Variants in TTN observed in about 807,000 individuals in gnomAD.
TTN encodes connectin.
Under a neutral mutation model 3,223.0 loss-of-function variants are expected in TTN, and 1,525 were observed. The ratio of observed to expected loss-of-function variants is 0.47; its 90% CI spans 0.45 to 0.49. The LOEUF is 0.49. Among genes scored for constraint, TTN ranks in the 20% least tolerant of loss-of-function variants. The pLI, the probability that TTN is intolerant of heterozygous loss-of-function variation, is 0.00. For synonymous variants in TTN, 14,094 were observed against 15,161.0 expected (o/e 0.93, Z 5.17); for missense variants, 40,786 against 43,424.0 (o/e 0.94, Z 5.40).
Position 178,733,794 on chromosome 2 carries a change from C to A in TTN, c.15595G>T (p.Val5199Phe), listed in dbSNP as rs1370452174. Residue 5199 changes from valine to phenylalanine, a missense_variant, in exon 53 of 363, where the codon GTC becomes TTC. Physicochemically the swap from Val to Phe is conservative, Grantham distance 50. Coordinates refer to ENST00000589042, the MANE Select transcript of TTN (RefSeq NM_001267550.2). ...AAVRGSEPISVTWMKGQEVIR... is the reference protein window; with the variant it reads ...AAVRGSEPISFTWMKGQEVIR... ...ACCTCTTGACCTTTCATCCATGTGACAGAAATGGGCTCTGACCCTCTCACA... is the reference window on the plus strand; with the variant it reads ...ACCTCTTGACCTTTCATCCATGTGAAAGAAATGGGCTCTGACCCTCTCACA... 6 of 1,613,784 alleles carry A rather than the reference C, an allele frequency of 3.7e-6. No individual in the cohort carries two copies. Among genetic ancestry groups the A allele is most frequent in the Non-Finnish European group, 5.1e-6 (6 of 1,179,758 alleles).
chr2:178,613,662 T>C, intron 263 of TTN, 89 bp downstream of exon 263: 1 of 1,354,436 alleles, frequency 7.4e-7, no homozygotes. Context: ...TTTAGTAATA[T>C]ATAATCATCT....
Position 178,591,330 on chromosome 2 carries a change from A to C in TTN, c.60395T>G (p.Phe20132Cys). The stretch of plus-strand genomic sequence containing the variant: ...GTTCTTAATGGTAAGTACTGATGAG[A>C]AGTTGTCTGTTTCAACTGTGTAGTG... The part of the protein sequence containing the change: ...DEHYTVETDN[F>C]SSVLTIKNCL... Residue 20132 changes from phenylalanine to cysteine, a missense_variant, in exon 304 of 363, where the codon TTC becomes TGC. By Grantham distance (205) the Phe-to-Cys change is radical (BLOSUM62 -2). Coordinates refer to ENST00000589042, the MANE Select transcript of TTN (RefSeq NM_001267550.2). The C allele has an allele frequency of 6.2e-7, 1 of 1,613,252 alleles. No homozygotes were observed. The highest frequency in any genetic ancestry group is 8.5e-7 in the Non-Finnish European group (1 of 1,179,490).
rs745806239 is a variant in TTN at position 178,591,154 on chromosome 2, T to G, written c.60571A>C (p.Ile20191Leu). The G allele has an allele frequency of 6.2e-6, 10 of 1,613,342 alleles. No homozygotes were observed. In the East Asian group the frequency reaches 8.9e-5, roughly 14 times the overall value. The change falls in exon 304 of 363, where the codon ATC becomes CTC. Residue 20191 changes from isoleucine (I) to leucine (L), a missense_variant. Physicochemically the swap from Ile to Leu is conservative, Grantham distance 5. Transcript: ENST00000589042. ...ILDVTPEHMT[I>L]SWQPPKDDGG... ...TCATCCTTAGGTGGCTGCCATGAGATAGTCATGTGTTCAGGAGTAACATCC... is the reference window on the plus strand; with the variant it reads ...TCATCCTTAGGTGGCTGCCATGAGAGAGTCATGTGTTCAGGAGTAACATCC...
Position 178,756,282 on chromosome 2 carries a change from A to G in TTN, c.11194T>C (p.Cys3732Arg). The change falls in exon 46 of 363, where the codon TGC becomes CGC. Residue 3732 changes from cysteine (C) to arginine (R), a missense_variant. Physicochemically the swap from Cys to Arg is radical, Grantham distance 180 (BLOSUM62 -3). Coordinates refer to ENST00000589042, the MANE Select transcript of TTN (RefSeq NM_001267550.2). ...VQLVDQGLYS[C>R]IVHNDCGERT... ...TCTCCACAGTCATTGTGTACAATGC[A>G]GCTGTATAGTCCTTGGTCTACCAGC... 1 of 1,613,906 alleles carries G rather than the reference A, an allele frequency of 6.2e-7. No homozygotes were observed. The highest frequency in any genetic ancestry group is 1.3e-5 in the African/African-American group (1 of 75,064).
chr2:178,683,433 A>G (rs550160055), intron 133 of TTN, 142 bp from the exon 134 acceptor site: 10 of 568,368 alleles, frequency 1.8e-5, no homozygotes, highest in Middle Eastern at 4.7e-4. Flanking sequence ...AAGAAAATCA[A>G]TAGACTTGGA....
chr2:178,722,840 T>C lies in TTN; in HGVS notation c.22059A>G (p.Thr7353=). ...QCQVAGTPEI[T]VSWYKGDTKL... ...TGGTATCTCCTTTGTACCAAGACAC[T>C]GTAATTTCTGGTGTCCCAGCAACTT... Residue 7353 remains threonine, a synonymous_variant, in exon 76 of 363, where the codon ACA becomes ACG. Coordinates refer to ENST00000589042, the MANE Select transcript of TTN (RefSeq NM_001267550.2). 1 of 1,613,272 alleles carries C rather than the reference T, an allele frequency of 6.2e-7. No individual in the cohort carries two copies. The highest frequency in any genetic ancestry group is 8.5e-7 in the Non-Finnish European group (1 of 1,179,520).
In TTN at chr2:178,739,703, A is replaced by G. The variant is rs764801931; in HGVS notation, c.13530T>C (p.Phe4510=). 11 of 1,613,924 alleles carry G rather than the reference A, an allele frequency of 6.8e-6. No homozygotes were observed. Among genetic ancestry groups the G allele is most frequent in the South Asian group, 3.3e-5 (3 of 91,084 alleles). ...KTSLQEEMDS[F]SGSQKVEPIT... is the part of the protein sequence containing the mutation. ...TGGGTTCAACCTTCTGTGAACCTGA[A>G]AAAGAATCCATTTCTTCTTGCAAAC... Residue 4510 remains phenylalanine (F), a synonymous_variant, in exon 48 of 363, where the codon TTT becomes TTC. Transcript: ENST00000589042.
rs398124447 is a variant in TTN, at chr2:178,671,149, A to G, written c.35249T>C (p.Ile11750Thr). The change falls in exon 156 of 363, where the codon ATC becomes ACC. Residue 11750 changes from isoleucine (I) to threonine (T), a missense_variant. Physicochemically the swap from Ile to Thr is moderately conservative, Grantham distance 89. Coordinates refer to ENST00000589042, the MANE Select transcript of TTN (RefSeq NM_001267550.2). ...AGTGGGCGGTTTTTTTGGAGGGATG[A>G]TTTTCTCAGATATCTCAGGCCCTTC... ...PPKGPEISEK[I>T]IPPKKPPTKV... The G allele has an allele frequency of 2.1e-5, 34 of 1,602,748 alleles. 1 individual carries two copies. In the Admixed American group the frequency reaches 5.8e-4, roughly 28 times the overall value.
intron 1 of TTN, among the ~76,000 whole-genome samples, chr2:178,806,126 A>T (rs2094307672): frequency 6.6e-6 from 1 of 152,228 alleles, no homozygotes; most frequent in Non-Finnish European, 1.5e-5. Flanking sequence ...AGTTAAAAAA[A>T]TGAAACCAGC....
rs755228108 is a variant in TTN, at chr2:178,658,133, G to C, written c.37736C>G (p.Ala12579Gly). 3.2e-6 allele frequency: 5 copies of C among 1,578,478 alleles called. No individual in the cohort carries two copies. Among genetic ancestry groups the C allele is most frequent in the Non-Finnish European group, 4.3e-6 (5 of 1,174,334 alleles). ...VTVPEVPQEA[A>G]EKEIPVAPPK... ...TGGAGCCACGGGAATTTCTTTTTCT[G>C]CGGCTTCTTGAGGAACTTCTGGCAC... is the stretch of plus-strand genomic sequence containing the variant. The change falls in exon 186 of 363, where the codon GCA (alanine) becomes GGA (glycine). Residue 12579 changes from alanine to glycine, a missense_variant. By Grantham distance (60) the Ala-to-Gly change is moderately conservative. Coordinates refer to ENST00000589042, the MANE Select transcript of TTN (RefSeq NM_001267550.2).
chr2:178,669,625 C>T lies in TTN; in HGVS notation c.35437G>A (p.Val11813Ile). The T allele has an allele frequency of 1.2e-6, 2 of 1,612,420 alleles. No homozygotes were observed. The highest frequency in any genetic ancestry group is 1.7e-6 in the Non-Finnish European group (2 of 1,179,648). The change falls in exon 158 of 363, where the codon GTT becomes ATT. Residue 11813 changes from valine to isoleucine, a missense_variant. Transcript: ENST00000589042. ...GGTGGAACTTCAGGCTTTTTCAGAA[C>T]AGCTTCACGAACTTTTTCTTCTGGG... ...IVPEEKVREA[V>I]LKKPEVPPAK...
chr2:178,727,487 AG>A (rs2079553827), intron 68 of TTN, 97 bp downstream of exon 68: 2 of 1,505,384 alleles, frequency 1.3e-6, no homozygotes, highest in Non-Finnish European at 1.8e-6. Context: ...TATGTTAGAA[AG>A]AATACTACTT....
At chr2:178,788,741 T>G (rs1459210158) in intron 13 of TTN, among the ~76,000 whole-genome samples, 1 of 152,084 alleles carries the variant, frequency 6.6e-6, no homozygotes, top group Non-Finnish European at 1.5e-5. Context: ...CGGTAATCTT[T>G]TCATGGCTTA....
Position 178,531,419 on chromosome 2 carries a change from A to T in TTN, c.105196T>A (p.Ser35066Thr), listed in dbSNP as rs1689062252. The T allele has an allele frequency of 1.2e-6, 2 of 1,613,976 alleles. No individual in the cohort carries two copies. Among genetic ancestry groups the T allele is most frequent in the Non-Finnish European group, 8.5e-7 (1 of 1,179,896 alleles). Residue 35066 changes from serine (S) to threonine (T), a missense_variant, in exon 358 of 363, where the codon TCA becomes ACA. By Grantham distance (58) the Ser-to-Thr change is moderately conservative. Coordinates refer to ENST00000589042, the MANE Select transcript of TTN (RefSeq NM_001267550.2). ...LTRTEAYAVS[S>T]FKKTSEMEAS... ...TCCATCTCAGATGTTTTCTTAAATG[A>T]TGAAACAGCATACGCCTCTGTTCTT...
chr2:178,609,482 G>A lies in TTN; in HGVS notation c.51828C>T (p.Tyr17276=). 1.9e-6 allele frequency: 3 copies of A among 1,612,396 alleles called. No individual in the cohort carries two copies. Among genetic ancestry groups the A allele is most frequent in the Non-Finnish European group, 1.7e-6 (2 of 1,179,120 alleles). Residue 17276 remains tyrosine (Y), a synonymous_variant, in exon 273 of 363, where the codon TAC becomes TAT. Coordinates refer to ENST00000589042, the MANE Select transcript of TTN (RefSeq NM_001267550.2). Reference sequence around the variant, plus strand: ...CATCCTTTATCCATGTAATAGTTGGGTAAGGTGATCCAGAAATACTTGCAT... The same window carrying A: ...CATCCTTTATCCATGTAATAGTTGGATAAGGTGATCCAGAAATACTTGCAT... ...ALDASISGSP[Y]PTITWIKDEN...
In TTN at chr2:178,792,074, C is replaced by T. The variant is rs1335507433; in HGVS notation, c.1660G>A (p.Ala554Thr). 6.2e-7 allele frequency: 1 copy of T among 1,612,040 alleles called. No individual in the cohort carries two copies. Among genetic ancestry groups the T allele is most frequent in the Non-Finnish European group, 8.5e-7 (1 of 1,178,988 alleles). Residue 554 changes from alanine (A) to threonine (T), a missense_variant and splice_region_variant, in exon 10 of 363, where the codon GCA becomes ACA. Transcript: ENST00000589042. ...TKKQKQVTQE[A>T]IRQETEITAA... is the part of the protein sequence containing the mutation. ...AATATTTAGAAAATCAGACTTACTG[C>T]TTCTTGAGTTACTTGTTTCTGTTTC...
At position 178,663,901 on chromosome 2, in the gene TTN, C is replaced by T. The variant is rs2065295310; in HGVS notation, c.36366G>A (p.Val12122=). ...PKKPEVPPVK[V]PEASKEVIRE... Reference sequence around the variant, plus strand: ...GGATAACCTCTTTGGAAGCTTCTGGCACTTGAAAGATATTAGTGAAATTAC... The same window carrying T: ...GGATAACCTCTTTGGAAGCTTCTGGTACTTGAAAGATATTAGTGAAATTAC... The change falls in exon 170 of 363, where the codon GTG becomes GTA. Residue 12122 remains valine (V), a splice_region_variant and synonymous_variant. Transcript: ENST00000589042. 2 of 1,613,192 alleles carry T rather than the reference C, an allele frequency of 1.2e-6. No homozygotes were observed. The highest frequency in any genetic ancestry group is 1.1e-5 in the South Asian group (1 of 91,074).
At position 178,720,539 on chromosome 2, in the gene TTN, C is replaced by T. The variant is rs2562831; in HGVS notation, c.23223G>A (p.Gln7741=). The T allele has an allele frequency of 1, 1,608,456 of 1,613,548 alleles. 801,823 individuals carry two copies. The highest frequency in any genetic ancestry group is 1 in the East Asian group (44,841 of 44,842). ...FEVVWVKDRK[Q]VRNSKKFKIT... ...TTTTAAATTTCTTGCTGTTTCTAAC[C>T]TGCTTTCGATCTTTAACCCATACTA... The change falls in exon 80 of 363, where the codon CAG becomes CAA. Residue 7741 remains glutamine (Q), a synonymous_variant. Coordinates refer to ENST00000589042, the MANE Select transcript of TTN (RefSeq NM_001267550.2).
rs953284325 is a variant in TTN at position 178,709,494 on chromosome 2, A to G, written c.28753+72T>C. On this transcript the variant is annotated intron_variant, in intron 99 of 362. Coordinates refer to ENST00000589042, the MANE Select transcript of TTN (RefSeq NM_001267550.2). ...ATAACTTACTTGGTCAAGATATCAT[A>G]AGAAATGCTCATGGATATATAACAG... 7 of 1,466,358 alleles carry G rather than the reference A, an allele frequency of 4.8e-6. No individual in the cohort carries two copies. In the East Asian group the frequency reaches 1.6e-4, roughly 34 times the overall value. The allele number at this position is 1,466,358 out of a possible 1,614,324, so 90.8% of individuals were successfully genotyped here.
Sources: gnomAD v4.1 joint callset for allele counts (sites outside exome capture counted in the v4.1 genomes callset) on GRCh38, gnomAD v4.1.1 for gene constraint, MANE v1.5 for transcripts, NCBI Gene and HGNC (gene_info 2026-07-23, HGNC 2026-07-21) for gene names.